The following ECE1 variants were observed in gnomAD, a reference collection of about 807,000 sequenced individuals.
ECE1 encodes endothelin-converting enzyme 1.
In ECE1, 35 loss-of-function variants were observed where a neutral mutation model predicts 98.6. The observed-to-expected ratio is 0.35, with a 90% confidence interval of 0.27 to 0.47. The LOEUF is 0.47. ECE1 is among the 20% of genes least tolerant of loss of function. ECE1 has a pLI of 1.00. For missense variants in ECE1, 814 were observed against 1,025.3 expected (o/e 0.79, Z 2.81); for synonymous variants, 394 against 407.1 (o/e 0.97, Z 0.39).
chr1:21,241,038 TGAGA>T (rs1160954998), intron 10 of ECE1, among the ~76,000 whole-genome samples: 1 of 152,276 alleles, frequency 6.6e-6, no homozygotes, highest in East Asian at 1.9e-4. Context: ...GAACATCCAG[TGAGA>T]GAAACAGACA....
At chr1:21,276,361 G>A (rs886531139) in intron 3 of ECE1, among the ~76,000 whole-genome samples, 8 of 150,614 alleles carry the variant, frequency 5.3e-5, no homozygotes, top group Admixed American at 5.3e-4. Flanking sequence ...CCGAATGAAT[G>A]AAAGGCCTTA....
intron 4 of ECE1, among the ~76,000 whole-genome samples, chr1:21,263,838 C>T (rs776168217): frequency 6.6e-6 from 1 of 152,054 alleles, no homozygotes; most frequent in Non-Finnish European, 1.5e-5. Context: ...CCCCTGGTTC[C>T]AGGAGCCCAC....
rs2103263918 is a variant in ECE1 at position 21,247,341 on chromosome 1, C to A, written c.1043G>T (p.Trp348Leu). The A allele has an allele frequency of 6.2e-7, 1 of 1,614,212 alleles. No homozygotes were observed. The highest frequency in any genetic ancestry group is 1.1e-5 in the South Asian group (1 of 91,082). ...ELQTLAPAIN[W>L]LPFLNTIFYP... ...GAAGATGGTGTTGAGAAAAGGCAAC[C>A]AGTTGATGGCGGGTGCCAAGGTCTG... The change falls in exon 9 of 19, where the codon TGG (tryptophan) becomes TTG (leucine). Residue 348 changes from tryptophan (W) to leucine (L), a missense_variant. Physicochemically the swap from Trp to Leu is moderately conservative, Grantham distance 61. This residue lies in a region of ECE1 where 452 missense variants were observed against 567.3 expected (regional missense o/e 0.80). Transcript: ENST00000374893.
chr1:21,329,283 C>T (rs954559121), intron 1 of ECE1, among the ~76,000 whole-genome samples: 3 of 152,162 alleles, frequency 2.0e-5, no homozygotes, highest in Non-Finnish European at 4.4e-5. Context: ...ATGCACATGT[C>T]CGTTGAGAAG....
intron 2 of ECE1, among the ~76,000 whole-genome samples, chr1:21,281,502 C>T (rs2098254519): frequency 6.6e-6 from 1 of 152,180 alleles, no homozygotes; most frequent in Non-Finnish European, 1.5e-5. Context: ...TTATCTCACA[C>T]ACTTTACCTT....
Position 21,225,213 on chromosome 1 carries a change from A to G in ECE1, c.2040+37T>C. On this transcript the variant is annotated intron_variant, in intron 17 of 18. Transcript: ENST00000374893. The surrounding 1 kb of genome is among the most constrained non-coding windows in gnomAD (Gnocchi z 5.3). The stretch of plus-strand genomic sequence containing the variant: ...GGACAGGCATCTGGAAGGAGCCAGC[A>G]CTGGGACCGTGCGCGTGTGGGGAGC... 1 of 1,611,630 alleles carries G rather than the reference A, an allele frequency of 6.2e-7. No homozygotes were observed.
chr1:21,343,715 T>G (rs1308346334), intron 1 of ECE1, among the ~76,000 whole-genome samples: 2 of 152,178 alleles, frequency 1.3e-5, no homozygotes, highest in East Asian at 1.9e-4. Flanking sequence ...CAAATTGGTG[T>G]GACGTCAAAG....
At chr1:21,285,148 G>C (rs1295905766) in intron 2 of ECE1, among the ~76,000 whole-genome samples, 3 of 152,166 alleles carry the variant, frequency 2.0e-5, no homozygotes, top group African/African-American at 7.2e-5. Context: ...CCAGATGCCT[G>C]ACTTTAAATG....
rs575221771 is a variant in ECE1, at chr1:21,218,133, G to A, written c.*1822C>T. The stretch of plus-strand genomic sequence containing the variant: ...CTGGAGAAGCTGTGGTCTCAGGGAG[G>A]AGACAGACACCACAGGCCAGACTGG... On this transcript the variant is annotated 3_prime_UTR_variant, in exon 19 of 19. Coordinates refer to ENST00000374893, the MANE Select transcript of ECE1 (RefSeq NM_001397.3). This position sits in a 1 kb window ranked among gnomAD's most constrained non-coding sequence, Gnocchi z 4.0. The A allele has an allele frequency of 2.2e-4, 33 of 152,452 alleles. No individual in the cohort carries two copies. Among genetic ancestry groups the A allele is most frequent in the African/African-American group, 7.5e-4 (31 of 41,586 alleles). 9.4% of individuals were successfully genotyped at this position (152,452 alleles called of 1,614,324 possible). A position where few individuals can be genotyped will look rare whatever the true frequency, so the allele number is the denominator to read the frequency against.
In ECE1 at chr1:21,258,669, C is replaced by T. The variant is rs201197078; in HGVS notation, c.762+24G>A. On this transcript the variant is annotated intron_variant, in intron 6 of 18. Transcript: ENST00000374893. The surrounding 1 kb of genome is among the most constrained non-coding windows in gnomAD (Gnocchi z 4.2). ...AAGAGGTCGTGCCCGCCCCCTCGACCGCTGCAGGTTCAAGCTAGCTCACCT... is the reference window on the plus strand; with the variant it reads ...AAGAGGTCGTGCCCGCCCCCTCGACTGCTGCAGGTTCAAGCTAGCTCACCT... The T allele has an allele frequency of 2.7e-4, 437 of 1,614,128 alleles. 1 individual carries two copies. The highest frequency in any genetic ancestry group is 3.9e-4 in the African/African-American group (29 of 75,058).
intron 17 of ECE1, among the ~76,000 whole-genome samples, chr1:21,224,089 G>A (rs1454676896): frequency 6.6e-6 from 1 of 152,116 alleles, no homozygotes; most frequent in African/African-American, 2.4e-5. Context: ...GGACGTGCCA[G>A]GCTTGTGTCT....
At position 21,260,348 on chromosome 1, in the gene ECE1, C is replaced by T; in HGVS notation, c.538G>A (p.Val180Ile). 6.2e-7 allele frequency: 1 copy of T among 1,614,260 alleles called. No homozygotes were observed. Residue 180 changes from valine to isoleucine, a missense_variant, in exon 5 of 19, where the codon GTA (valine) becomes ATA (isoleucine). Physicochemically the swap from Val to Ile is conservative, Grantham distance 29. Transcript: ENST00000374893. The surrounding 1 kb of genome is among the most constrained non-coding windows in gnomAD (Gnocchi z 4.3). Reference sequence around the variant, plus strand: ...TCGTTCATGCACGCACGGTAGTATACTTGCGCCTTTCTCTCTGCCTCGCTC... The same window carrying T: ...TCGTTCATGCACGCACGGTAGTATATTTGCGCCTTTCTCTCTGCCTCGCTC... The part of the protein sequence containing the change: ...SVSEAERKAQ[V>I]YYRACMNETR...
intron 7 of ECE1, 149 bp from the exon 8 acceptor site, chr1:21,256,287 G>A: frequency 1.1e-6 from 1 of 900,130 alleles, no homozygotes. Context: ...CAGGTGTGGT[G>A]GCTCACGCCT....
chr1:21,313,243 G>A (rs1638765689), intron 1 of ECE1, among the ~76,000 whole-genome samples: 2 of 152,232 alleles, frequency 1.3e-5, no homozygotes. Context: ...ATGCTGCTGA[G>A]CTGGCGTTGC....
intron 8 of ECE1, among the ~76,000 whole-genome samples, chr1:21,255,075 C>T (rs1481879130): frequency 6.6e-6 from 1 of 152,224 alleles, no homozygotes; most frequent in East Asian, 1.9e-4. Flanking sequence ...GGTCCCAAGA[C>T]GGACCCATAT....
chr1:21,272,589 G>A, intron 4 of ECE1, 110 bp downstream of exon 4: 1 of 1,345,180 alleles, frequency 7.4e-7, no homozygotes, highest in Non-Finnish European at 1.0e-6. Flanking sequence ...ACCGTGCCCG[G>A]CCCATTCTGC....
chr1:21,273,004 TC>T, intron 3 of ECE1, 93 bp from the exon 4 acceptor site: 1 of 1,392,810 alleles, frequency 7.2e-7, no homozygotes, highest in Non-Finnish European at 1.0e-6. Flanking sequence ...GGGCCACATG[TC>T]CCACCCTGGC....
intron 2 of ECE1, among the ~76,000 whole-genome samples, chr1:21,289,782 G>A (rs2098264422): frequency 6.6e-6 from 1 of 152,092 alleles, no homozygotes; most frequent in Admixed American, 6.5e-5. Context: ...ACCAGTTCGG[G>A]TCTCGGGGGT....
At chr1:21,333,350 G>A (rs540070909) in intron 1 of ECE1, among the ~76,000 whole-genome samples, 60 of 149,566 alleles carry the variant, frequency 4.0e-4, no homozygotes, top group African/African-American at 5.9e-4. Context: ...GGGCGGGGGG[G>A]TGGGTGGGTA....
Sources: gnomAD v4.1 joint callset for allele counts (sites outside exome capture counted in the v4.1 genomes callset) on GRCh38, gnomAD v4.1.1 for gene constraint, gnomAD v4.1.1 regional missense constraint, Gnocchi (gnomAD v3.1) non-coding constraint, MANE v1.5 for transcripts, NCBI Gene and HGNC (gene_info 2026-07-23, HGNC 2026-07-21) for gene names.